RBM20: variants seen among roughly 807,000 people sequenced by gnomAD.
The protein encoded by RBM20 is RNA-binding protein 20.
RBM20 carries 51 observed loss-of-function variants against 110.1 expected under a neutral mutation model. The observed-to-expected ratio is 0.46, with a 90% CI of 0.37 to 0.59. The LOEUF (loss-of-function observed/expected upper bound fraction) is 0.59, where lower values mean the gene tolerates loss of function less well. RBM20 is among the 20% of genes least tolerant of loss of function. RBM20 has a pLI of 0.00. For synonymous variants in RBM20, 589 were observed against 618.2 expected (o/e 0.95, Z 0.70); for missense variants, 1,512 against 1,574.9 (o/e 0.96, Z 0.68).
rs545024753 is a variant in RBM20, at chr10:110,728,001, A to G, written c.192-52800A>G. ...TGAACTCATTCTTTTTTATGGCTGCATAGTATTTCACGGTATATATGTGCA... is the reference window on the plus strand; with the variant it reads ...TGAACTCATTCTTTTTTATGGCTGCGTAGTATTTCACGGTATATATGTGCA... On this transcript the variant is annotated intron_variant, in intron 1 of 13. Coordinates refer to ENST00000369519, the MANE Select transcript of RBM20 (RefSeq NM_001134363.3). Among the ~76,000 whole-genome samples, 31 of 152,326 alleles carry G rather than the reference A, an allele frequency of 2.0e-4. No individual in the cohort carries two copies. The East Asian group carries it at 6.0e-3, about 29-fold the overall frequency.
intron 4 of RBM20, 79 bp downstream of exon 4, chr10:110,784,511 C>T: frequency 1.9e-6 from 2 of 1,039,942 alleles, no homozygotes; most frequent in South Asian, 1.4e-5. Flanking sequence ...TCTTTAATAA[C>T]CAGGACTTCC....
intron 5 of RBM20, among the ~76,000 whole-genome samples, chr10:110,792,200 A>G (rs760810393): frequency 6.6e-6 from 1 of 151,594 alleles, no homozygotes; most frequent in Non-Finnish European, 1.5e-5. Flanking sequence ...TGTATCCATC[A>G]TTTGATCAGC....
At chr10:110,714,190 T>A (rs767118674) in intron 1 of RBM20, among the ~76,000 whole-genome samples, 1 of 152,158 alleles carries the variant, frequency 6.6e-6, no homozygotes, top group Admixed American at 6.5e-5. Flanking sequence ...TAGGAGACCC[T>A]CTTAAGAAAG....
At chr10:110,743,488 C>CA (rs1843744115) in intron 1 of RBM20, among the ~76,000 whole-genome samples, 2 of 152,002 alleles carry the variant, frequency 1.3e-5, no homozygotes, top group Non-Finnish European at 2.9e-5. Context: ...AACTTTAGTC[C>CA]AAAGCTTCTC....
intron 1 of RBM20, among the ~76,000 whole-genome samples, chr10:110,767,227 C>T (rs1201827490): frequency 3.7e-5 from 5 of 134,118 alleles, no homozygotes; most frequent in African/African-American, 1.1e-4. Context: ...ACCCCCCCAC[C>T]TCCCTCCCGG....
intron 7 of RBM20, among the ~76,000 whole-genome samples, chr10:110,803,183 C>T (rs895278324): frequency 8.8e-4 from 134 of 152,288 alleles, no homozygotes; most frequent in African/African-American, 3.1e-3. Context: ...ATTATTATCT[C>T]AGTTTTACAG....
At chr10:110,645,546 C>T (rs7915361) in intron 1 of RBM20, among the ~76,000 whole-genome samples, 27,535 of 152,174 alleles carry the variant, frequency 0.18, 3,513 homozygotes, top group African/African-American at 0.35. Flanking sequence ...CACGCAAGTA[C>T]AGCAAAATTT....
chr10:110,657,251 G>A (rs4918551), intron 1 of RBM20, among the ~76,000 whole-genome samples: 31,299 of 151,474 alleles, frequency 0.21, 4,069 homozygotes, highest in African/African-American at 0.38. Flanking sequence ...TCCTGACCTC[G>A]TGATCCACCT....
chr10:110,742,167 T>A (rs1843732204), intron 1 of RBM20, among the ~76,000 whole-genome samples: 1 of 152,206 alleles, frequency 6.6e-6, no homozygotes. Flanking sequence ...TGACCTGATG[T>A]TCTGCGATTC....
chr10:110,759,900 T>C (rs957517158), intron 1 of RBM20, among the ~76,000 whole-genome samples: 2 of 152,166 alleles, frequency 1.3e-5, no homozygotes, highest in Non-Finnish European at 2.9e-5. Flanking sequence ...AATCCAAATG[T>C]TAAATTGGAG....
Position 110,644,511 on chromosome 10 carries a change from G to C in RBM20, c.57G>C (p.Pro19=). 5.2e-6 allele frequency: 8 copies of C among 1,527,272 alleles called. No homozygotes were observed. The highest frequency in any genetic ancestry group is 7.0e-6 in the Non-Finnish European group (8 of 1,140,754). The allele number at this position is 1,527,272 out of a possible 1,614,324, so 94.6% of individuals were successfully genotyped here. A position where few individuals can be genotyped will look rare whatever the true frequency, so the allele number is the denominator to read the frequency against. ...CGGACCCCAGCGGTCCGGAGCAGCC[G>C]GACAGAGTTGCCTGCAGTGTGCCTG... The part of the protein sequence containing the change: ...QDADPSGPEQ[P]DRVACSVPGA... Residue 19 remains proline, a synonymous_variant, in exon 1 of 14, where the codon CCG becomes CCC. Coordinates refer to ENST00000369519, the MANE Select transcript of RBM20 (RefSeq NM_001134363.3). The surrounding 1 kb of genome is among the most constrained non-coding windows in gnomAD (Gnocchi z 4.3).
intron 1 of RBM20, among the ~76,000 whole-genome samples, chr10:110,680,346 A>G (rs1862405487): frequency 6.6e-6 from 1 of 152,126 alleles, no homozygotes; most frequent in South Asian, 2.1e-4. Flanking sequence ...CCCTGTCTGA[A>G]TGGTCCATTC....
chr10:110,792,141 G>GTCTGTCTATCTA (rs1212807863), intron 5 of RBM20, among the ~76,000 whole-genome samples: 1 of 147,638 alleles, frequency 6.8e-6, no homozygotes, highest in Non-Finnish European at 1.5e-5. Context: ...TCCTCTATCT[G>GTCTGTCTATCTA]TCTATCTATC....
At chr10:110,707,694 G>A (rs747344858) in intron 1 of RBM20, among the ~76,000 whole-genome samples, 1 of 152,128 alleles carries the variant, frequency 6.6e-6, no homozygotes, top group Non-Finnish European at 1.5e-5. Flanking sequence ...ACTCATATGT[G>A]GGAGCTAAAA....
intron 11 of RBM20, 35 bp downstream of exon 11, chr10:110,821,970 T>C: frequency 6.5e-7 from 1 of 1,536,270 alleles, no homozygotes; most frequent in African/African-American, 1.4e-5. Context: ...GGTGGTCGGG[T>C]TGATTGGACT....
chr10:110,794,239 A>G (rs1844520573), intron 5 of RBM20, among the ~76,000 whole-genome samples: 1 of 152,266 alleles, frequency 6.6e-6, no homozygotes, highest in South Asian at 2.1e-4. Context: ...TATGAATCAT[A>G]TATGGTTTTG....
chr10:110,805,469 G>C (rs968517993), intron 7 of RBM20, among the ~76,000 whole-genome samples: 1 of 152,230 alleles, frequency 6.6e-6, no homozygotes, highest in Non-Finnish European at 1.5e-5. Flanking sequence ...GTGTAAAACA[G>C]GTGTGGAGTT....
intron 1 of RBM20, among the ~76,000 whole-genome samples, chr10:110,699,760 GT>G (rs1428770407): frequency 6.6e-6 from 1 of 151,836 alleles, no homozygotes; most frequent in Non-Finnish European, 1.5e-5. Flanking sequence ...TATATACTAT[GT>G]TTTTTTCCTA....
At chr10:110,745,338 A>AG (rs1413646470) in intron 1 of RBM20, among the ~76,000 whole-genome samples, 2 of 152,066 alleles carry the variant, frequency 1.3e-5, no homozygotes, top group Non-Finnish European at 2.9e-5. Context: ...GCTGGGTTTG[A>AG]ACAGTGCAAG....
Sources: allele counts gnomAD v4.1 joint callset (sites outside exome capture counted in the v4.1 genomes callset), GRCh38; gene constraint gnomAD v4.1.1; non-coding constraint Gnocchi (gnomAD v3.1); transcripts MANE v1.5; gene names NCBI Gene and HGNC (gene_info 2026-07-23, HGNC 2026-07-21).